The following ZC3H13 variants were observed in gnomAD, a reference collection of about 807,000 sequenced individuals.
ZC3H13 encodes zinc finger CCCH-type containing 13.
ZC3H13 carries 64 observed loss-of-function variants against 204.1 expected under a neutral mutation model. The observed-to-expected ratio is 0.31, with a 90% CI of 0.26 to 0.39. ZC3H13 has a LOEUF of 0.39. ZC3H13 is among the 10% of genes least tolerant of loss of function. The probability of loss-of-function intolerance (pLI) is 1.00; values close to 1 mark genes in which losing one functional copy is unlikely to be tolerated. For missense variants in ZC3H13, 1,833 were observed against 2,082.7 expected (o/e 0.88, Z 2.33); for synonymous variants, 667 against 693.7 (o/e 0.96, Z 0.60).
At chr13:45,987,917 A>T (rs1259030370) in intron 9 of ZC3H13, among the ~76,000 whole-genome samples, 1 of 152,212 alleles carries the variant, frequency 6.6e-6, no homozygotes, top group Non-Finnish European at 1.5e-5. Context: ...AGGTAACAAT[A>T]AAATCTCAGC....
chr13:45,960,877 C>T (rs1475466122), intron 17 of ZC3H13, among the ~76,000 whole-genome samples: 2 of 152,184 alleles, frequency 1.3e-5, no homozygotes, highest in East Asian at 3.8e-4. Context: ...TTTCAATTTT[C>T]TGGGCTGCAA....
chr13:45,961,480 T>C (rs185777617), intron 17 of ZC3H13, among the ~76,000 whole-genome samples: 67 of 148,474 alleles, frequency 4.5e-4, no homozygotes, highest in African/African-American at 1.6e-3. Context: ...CTTAAAAGTT[T>C]AGCTCAAAAG....
intron 18 of ZC3H13, 114 bp downstream of exon 18, chr13:45,959,369 T>C (rs1951514210): frequency 3.7e-6 from 4 of 1,087,500 alleles, no homozygotes; most frequent in East Asian, 2.9e-5. Flanking sequence ...TATAAAAGAT[T>C]AGGAAACCAA....
chr13:45,968,967 C>A lies in ZC3H13; in HGVS notation c.3577G>T (p.Gly1193Trp). Reference sequence around the variant, plus strand: ...TGACTACGGTTACTCCGATTGCTCCCGAGGCTGCTGCTCCTCTTTTGATCC... The same window carrying A: ...TGACTACGGTTACTCCGATTGCTCCAGAGGCTGCTGCTCCTCTTTTGATCC... ...PMDQKRSSSL[G>W]SNRSNRSHTS... The change falls in exon 14 of 19, where the codon GGG becomes TGG. Residue 1193 changes from glycine to tryptophan, a missense_variant. Gly to Trp is a radical substitution (Grantham distance 184). Transcript: ENST00000679008. 6.2e-7 allele frequency: 1 copy of A among 1,614,184 alleles called. No individual in the cohort carries two copies. Among genetic ancestry groups the A allele is most frequent in the Non-Finnish European group, 8.5e-7 (1 of 1,180,020 alleles).
At chr13:46,000,079 C>T (rs1272112422) in intron 8 of ZC3H13, among the ~76,000 whole-genome samples, 1 of 152,152 alleles carries the variant, frequency 6.6e-6, no homozygotes, top group African/African-American at 2.4e-5. Flanking sequence ...TGTTTTTCCA[C>T]TTAAGAGCAC....
At chr13:46,047,093 G>A (rs1242566355) in intron 1 of ZC3H13, among the ~76,000 whole-genome samples, 1 of 152,040 alleles carries the variant, frequency 6.6e-6, no homozygotes, top group Non-Finnish European at 1.5e-5. Flanking sequence ...AAATTAAATC[G>A]TGGTAGTACC....
intron 4 of ZC3H13, among the ~76,000 whole-genome samples, chr13:46,033,404 C>A (rs2043019632): frequency 6.6e-6 from 1 of 151,898 alleles, no homozygotes; most frequent in African/African-American, 2.4e-5. Context: ...ACACTATTAG[C>A]AATAATATAG....
At chr13:46,021,089 T>C (rs1289346203) in intron 4 of ZC3H13, among the ~76,000 whole-genome samples, 5 of 152,042 alleles carry the variant, frequency 3.3e-5, no homozygotes, top group African/African-American at 9.7e-5. Flanking sequence ...ATTCAAGTAA[T>C]TGTCATTTTC....
chr13:46,003,257 G>C lies in ZC3H13; in HGVS notation c.826C>G (p.Leu276Val). 1.9e-6 allele frequency: 3 copies of C among 1,612,726 alleles called. No homozygotes were observed. The highest frequency in any genetic ancestry group is 2.5e-6 in the Non-Finnish European group (3 of 1,179,680). The change falls in exon 8 of 19, where the codon CTG becomes GTG. Residue 276 changes from leucine to valine, a missense_variant. Physicochemically the swap from Leu to Val is conservative, Grantham distance 32 (BLOSUM62 1). This residue lies in a region of ZC3H13 where 1,574 missense variants were observed against 1,757.2 expected (regional missense o/e 0.90). Coordinates refer to ENST00000679008, the MANE Select transcript of ZC3H13 (RefSeq NM_001330564.2). Reference protein sequence around the residue: ...PPPPIPEDIALGKKYKEKYKV... With the variant: ...PPPPIPEDIAVGKKYKEKYKV... ...TATTTTTCTTTGTATTTTTTCCCCA[G>C]AGCGATATCTTCTGGTATAGGAGGG...
At chr13:45,962,384 C>T in intron 17 of ZC3H13, 1 of 985,350 alleles carries the variant, frequency 1.0e-6, no homozygotes, top group Middle Eastern at 5.2e-4. Flanking sequence ...CAGATTTTAA[C>T]TTGAAATGCT....
chr13:45,961,119 G>A (rs533001345), intron 17 of ZC3H13, among the ~76,000 whole-genome samples: 30 of 152,024 alleles, frequency 2.0e-4, no homozygotes, highest in Admixed American at 9.8e-4. Context: ...ATACCTTAAG[G>A]GAAAAAAGGG....
chr13:45,991,640 A>C (rs1270888653), intron 8 of ZC3H13, among the ~76,000 whole-genome samples: 1 of 152,188 alleles, frequency 6.6e-6, no homozygotes, highest in Non-Finnish European at 1.5e-5. Context: ...TTCTTATCTG[A>C]GGGAAAAAAT....
intron 17 of ZC3H13, chr13:45,962,591 A>G (rs976190091): frequency 2.0e-6 from 2 of 984,988 alleles, no homozygotes; most frequent in Admixed American, 6.2e-5. Context: ...GTTAACAATT[A>G]TATGTATTTT....
At chr13:45,977,761 T>C (rs981320045) in intron 11 of ZC3H13, among the ~76,000 whole-genome samples, 62 of 152,240 alleles carry the variant, frequency 4.1e-4, no homozygotes, top group African/African-American at 1.4e-3. Flanking sequence ...ATTGGTATCC[T>C]TGTTTTCAAT....
intron 4 of ZC3H13, among the ~76,000 whole-genome samples, chr13:46,041,071 T>C (rs2043549041): frequency 6.6e-6 from 1 of 152,130 alleles, no homozygotes; most frequent in African/African-American, 2.4e-5. Flanking sequence ...TCAACTCCAC[T>C]CCTCAATATA....
intron 17 of ZC3H13, among the ~76,000 whole-genome samples, chr13:45,960,015 G>A (rs764717528): frequency 2.2e-4 from 34 of 151,978 alleles, no homozygotes; most frequent in Non-Finnish European, 4.1e-4. Flanking sequence ...GCAATGGCAC[G>A]ACCTCGGCTC....
In ZC3H13 at chr13:46,010,328, C is replaced by T. The variant is rs1161683868; in HGVS notation, c.746+20G>A. 2.0e-6 allele frequency: 3 copies of T among 1,534,720 alleles called. No homozygotes were observed. The highest frequency in any genetic ancestry group is 2.3e-5 in the East Asian group (1 of 43,804). ...TTCAGAAAAAGCTATTTTCTCGATA[C>T]TATTTATCACCCTACTGACCTCTGC... On this transcript the variant is annotated intron_variant, in intron 7 of 18. Transcript: ENST00000679008.
chr13:45,965,086 T>G (rs763708281), intron 16 of ZC3H13, among the ~76,000 whole-genome samples, 194 bp downstream of exon 16: 1 of 152,234 alleles, frequency 6.6e-6, no homozygotes, highest in East Asian at 1.9e-4. Flanking sequence ...TTCTAATTCA[T>G]AGACAATGCC....
intron 4 of ZC3H13, among the ~76,000 whole-genome samples, chr13:46,037,632 C>T (rs1426503932): frequency 6.9e-6 from 1 of 145,856 alleles, no homozygotes; most frequent in Non-Finnish European, 1.5e-5. Flanking sequence ...CTACTGACTA[C>T]CTCATATAAG....
Sources: allele counts gnomAD v4.1 joint callset (sites outside exome capture counted in the v4.1 genomes callset), GRCh38; gene constraint gnomAD v4.1.1; regional missense constraint gnomAD v4.1.1; transcripts MANE v1.5; gene names NCBI Gene and HGNC (gene_info 2026-07-23, HGNC 2026-07-21).